HGF: variants seen among roughly 807,000 people sequenced by gnomAD.
HGF encodes hepatocyte growth factor.
A neutral mutation model predicts 111.6 loss-of-function variants in HGF; 39 were observed. That is an observed-to-expected ratio of 0.35 (90% CI 0.27 to 0.46). The LOEUF is 0.46. HGF is among the 20% of genes least tolerant of loss of function. HGF has a pLI of 1.00. For missense variants in HGF, 735 were observed against 910.5 expected, an observed-to-expected ratio of 0.81 and a Z score of 2.48; for synonymous variants, 285 against 294.8, an observed-to-expected ratio of 0.97 and a Z score of 0.34.
chr7:81,751,972 T>C (rs1788526741), intron 5 of HGF, 148 bp downstream of exon 5: 1 of 1,443,084 alleles, frequency 6.9e-7, no homozygotes, highest in African/African-American at 1.4e-5. Context: ...AAACATTGTA[T>C]AAAAATGTTT....
chr7:81,769,489 A>C (rs767905012), intron 1 of HGF, among the ~76,000 whole-genome samples: 30 of 152,254 alleles, frequency 2.0e-4, no homozygotes, highest in East Asian at 5.8e-4. Flanking sequence ...TCTCTGGAAA[A>C]GGATGACTTC....
At chr7:81,756,059 C>T (rs1014642348) in intron 4 of HGF, 3 of 701,618 alleles carry the variant, frequency 4.3e-6, no homozygotes, top group South Asian at 3.0e-5. Flanking sequence ...CAGTCATCAC[C>T]ACCACTGCAA....
At chr7:81,724,182 T>A (rs1450601544) in intron 9 of HGF, among the ~76,000 whole-genome samples, 1 of 152,198 alleles carries the variant, frequency 6.6e-6, no homozygotes, top group Non-Finnish European at 1.5e-5. Context: ...CACAGAAGAC[T>A]CAGCTGGTAC....
chr7:81,706,449 T>C, intron 14 of HGF, 22 bp from the exon 15 acceptor site: 1 of 1,589,442 alleles, frequency 6.3e-7, no homozygotes, highest in Non-Finnish European at 8.6e-7. Flanking sequence ...GAAAAAAATT[T>C]AAATGTAAAA....
intron 17 of HGF, among the ~76,000 whole-genome samples, chr7:81,704,481 T>C: frequency 6.6e-6 from 1 of 151,782 alleles, no homozygotes; most frequent in East Asian, 1.9e-4. Flanking sequence ...GGCAACAAAT[T>C]TGAAACTGGT....
rs149620914 is a variant in HGF at position 81,757,854 on chromosome 7, T to C, written c.368-551A>G. Among the ~76,000 whole-genome samples, 1,156 of 152,068 alleles carry C rather than the reference T, an allele frequency of 7.6e-3. 15 individuals are homozygous for C. Among genetic ancestry groups the C allele is most frequent in the African/African-American group, 0.026 (1,097 of 41,512 alleles). ...TATATTCCTACCAAATAATAGTACA[T>C]GCAGTTGTTAGCAAGCTAGAAGACA... On this transcript the variant is annotated intron_variant, in intron 3 of 17. Coordinates refer to ENST00000222390, the MANE Select transcript of HGF (RefSeq NM_000601.6).
In HGF at chr7:81,705,637, A is replaced by G. The variant is rs749226169; in HGVS notation, c.1864+10T>C. On this transcript the variant is annotated intron_variant, in intron 16 of 17. Coordinates refer to ENST00000222390, the MANE Select transcript of HGF (RefSeq NM_000601.6). ...ATAAATATGGCCTCATCTTTTGAAA[A>G]CTAGCTTACATCCAGTGTAGCCCCA... is the stretch of plus-strand genomic sequence containing the variant. The G allele has an allele frequency of 5.6e-6, 9 of 1,603,492 alleles. No individual in the cohort carries two copies. The highest frequency in any genetic ancestry group is 2.6e-6 in the Non-Finnish European group (3 of 1,170,930).
intron 6 of HGF, 108 bp downstream of exon 6, chr7:81,744,889 CATG>C: frequency 8.4e-7 from 1 of 1,186,584 alleles, no homozygotes; most frequent in Non-Finnish European, 1.2e-6. Context: ...ATGTTATGTT[CATG>C]TCCTATCGGG....
rs1369580911 is a variant in HGF, at chr7:81,756,903, G to A, written c.482+286C>T. On this transcript the variant is annotated intron_variant, in intron 4 of 17. Transcript: ENST00000222390. ...ACAGTGCCGTACTTTCTCAAAGACA[G>A]GAAGAAGAATCCTTTTAAACGAAGT... The A allele has an allele frequency of 1.3e-5, 6 of 475,674 alleles. No individual in the cohort carries two copies. In the East Asian group the frequency reaches 1.6e-4, roughly 13 times the overall value. The allele number at this position is 475,674 out of a possible 1,614,324, so 29.5% of individuals were successfully genotyped here.
chr7:81,707,220 C>T (rs1267333426), intron 14 of HGF, 70 bp downstream of exon 14: 1 of 839,708 alleles, frequency 1.2e-6, no homozygotes, highest in Non-Finnish European at 2.1e-6. Context: ...ATATTATAAC[C>T]TTAAGAGCAA....
chr7:81,762,575 T>C, intron 2 of HGF, 132 bp downstream of exon 2: 1 of 761,612 alleles, frequency 1.3e-6, no homozygotes, highest in Non-Finnish European at 2.3e-6. Context: ...TCGTTTGTAG[T>C]GAGTTAAATC....
chr7:81,742,995 A>G (rs200036339), intron 7 of HGF: 1 of 1,562,514 alleles, frequency 6.4e-7, no homozygotes, highest in Admixed American at 1.7e-5. Flanking sequence ...GAAGGTAAGG[A>G]ACTAAGGTCC....
chr7:81,749,788 A>T (rs903377849), intron 5 of HGF, among the ~76,000 whole-genome samples: 21 of 152,054 alleles, frequency 1.4e-4, no homozygotes, highest in African/African-American at 4.8e-4. Flanking sequence ...TTAATCATTG[A>T]CTATCAGATA....
At chr7:81,756,893 C>A in intron 4 of HGF, 1 of 450,178 alleles carries the variant, frequency 2.2e-6, no homozygotes, top group Non-Finnish European at 4.0e-6. Context: ...GCCGTACTTT[C>A]TCAAAGACAG....
intron 9 of HGF, 133 bp from the exon 10 acceptor site, chr7:81,720,980 T>G (rs916350933): frequency 1.1e-5 from 7 of 645,676 alleles, no homozygotes; most frequent in African/African-American, 5.4e-5. Context: ...GTGCGGTGGC[T>G]CACGCCTGTA....
chr7:81,711,562 C>T, intron 11 of HGF, 43 bp from the exon 12 acceptor site: 3 of 829,596 alleles, frequency 3.6e-6, no homozygotes, highest in South Asian at 1.6e-5. Context: ...TTCATATATG[C>T]ATATATCTGT....
chr7:81,707,165 A>T (rs377315133), intron 14 of HGF, 125 bp downstream of exon 14: 9 of 667,468 alleles, frequency 1.3e-5, no homozygotes, highest in Admixed American at 2.5e-5. Context: ...TCTAAAAATG[A>T]AATAATTTGT....
intron 7 of HGF, among the ~76,000 whole-genome samples, chr7:81,741,579 GTGTC>G (rs1203601610): frequency 2.5e-4 from 37 of 147,194 alleles, no homozygotes; most frequent in African/African-American, 7.2e-4. Context: ...GTGTGTGTGT[GTGTC>G]TGTGTGTGTG....
Position 81,745,232 on chromosome 7 carries a change from T to C in HGF, c.626-112A>G, listed in dbSNP as rs894101019. ...TAGTAAACAGATTTTTAAAAAATCC[T>C]ACACATCATTCTAACTTTTTATTAG... is the stretch of plus-strand genomic sequence containing the variant. On this transcript the variant is annotated intron_variant, in intron 5 of 17. Transcript: ENST00000222390. The C allele has an allele frequency of 9.9e-6, 11 of 1,108,512 alleles. No homozygotes were observed. The African/African-American group carries it at 1.4e-4, about 14-fold the overall frequency. 68.7% of individuals were successfully genotyped at this position (1,108,512 alleles called of 1,614,324 possible). A position where few individuals can be genotyped will look rare whatever the true frequency, so the allele number is the denominator to read the frequency against.
Sources: allele counts gnomAD v4.1 joint callset (sites outside exome capture counted in the v4.1 genomes callset), GRCh38; gene constraint gnomAD v4.1.1; transcripts MANE v1.5; gene names NCBI Gene and HGNC (gene_info 2026-07-23, HGNC 2026-07-21).